SYNRG: variants seen among roughly 807,000 people sequenced by gnomAD.
SYNRG encodes the protein synergin gamma, also known as AP1 gamma subunit binding protein 1.
A neutral mutation model predicts 130.9 loss-of-function variants in SYNRG; 37 were observed. That is an observed-to-expected ratio of 0.28 (90% CI 0.22 to 0.37). The LOEUF is 0.37. Ranked by LOEUF, SYNRG falls within the 10% of genes least tolerant of loss-of-function variation. The pLI is 1.00. For synonymous variants in SYNRG, 539 were observed against 568.1 expected (o/e 0.95, Z 0.73); for missense variants, 1,338 against 1,588.9 (o/e 0.84, Z 2.68).
intron 21 of SYNRG, among the ~76,000 whole-genome samples, 196 bp downstream of exon 21, chr17:37,519,983 A>C (rs2054788664): frequency 6.6e-6 from 1 of 152,186 alleles, no homozygotes; most frequent in African/African-American, 2.4e-5. Context: ...ATGTGAAACA[A>C]GCATGCAAAT....
At chr17:37,600,689 G>A (rs1427881820) in intron 1 of SYNRG, 3 of 528,926 alleles carry the variant, frequency 5.7e-6, no homozygotes, top group East Asian at 3.5e-5. Context: ...TCTATAAAAT[G>A]AGAGAGTTTA....
At chr17:37,576,454 C>T in intron 7 of SYNRG, 36 bp from the exon 8 acceptor site, 1 of 1,575,634 alleles carries the variant, frequency 6.3e-7, no homozygotes, top group Non-Finnish European at 8.7e-7. Context: ...TATAGTGGTC[C>T]ATGGAGAAGA....
chr17:37,553,406 C>T lies in SYNRG; in HGVS notation c.2317G>A (p.Asp773Asn). The T allele has an allele frequency of 1.2e-6, 2 of 1,614,218 alleles. No homozygotes were observed. Among genetic ancestry groups the T allele is most frequent in the Non-Finnish European group, 1.7e-6 (2 of 1,180,032 alleles). ...GAGTGGAAGTCAGCAAAATCATCATCACTTTTTCCTGAAGGAGTGTTATCT... is the reference window on the plus strand; with the variant it reads ...GAGTGGAAGTCAGCAAAATCATCATTACTTTTTCCTGAAGGAGTGTTATCT... ...LKDNTPSGKS[D>N]DDFADFHSSK... is the part of the protein sequence containing the mutation. The change falls in exon 14 of 22, where the codon GAT (aspartate) becomes AAT (asparagine). Residue 773 changes from aspartate (D) to asparagine (N), a missense_variant. Transcript: ENST00000612223.
At chr17:37,580,875 G>A (rs1046606867) in intron 6 of SYNRG, among the ~76,000 whole-genome samples, 6 of 151,978 alleles carry the variant, frequency 3.9e-5, no homozygotes, top group African/African-American at 7.2e-5. Context: ...TCTCCATATC[G>A]GCCAGGCTGG....
intron 6 of SYNRG, among the ~76,000 whole-genome samples, chr17:37,579,978 A>G (rs1358235075): frequency 2.0e-5 from 3 of 152,214 alleles, no homozygotes; most frequent in South Asian, 2.1e-4. Context: ...TATTAGATTA[A>G]TAATTTTTCC....
chr17:37,565,569 G>A (rs1325464275), intron 11 of SYNRG, among the ~76,000 whole-genome samples: 22 of 151,298 alleles, frequency 1.5e-4, no homozygotes, highest in African/African-American at 4.4e-4. Context: ...GAGCGTCTCC[G>A]CCCGGCCGCC....
At chr17:37,555,932 A>G (rs1010773869) in intron 13 of SYNRG, among the ~76,000 whole-genome samples, 9 of 152,094 alleles carry the variant, frequency 5.9e-5, no homozygotes, top group Non-Finnish European at 8.8e-5. Context: ...AAACAAATAA[A>G]TATAGCTATA....
chr17:37,553,492 T>C lies in SYNRG; in HGVS notation c.2231A>G (p.Lys744Arg). 6.2e-7 allele frequency: 1 copy of C among 1,614,196 alleles called. No homozygotes were observed. The change falls in exon 14 of 22, where the codon AAG (lysine) becomes AGG (arginine). Residue 744 changes from lysine to arginine, a missense_variant. By Grantham distance (26) the Lys-to-Arg change is conservative. Transcript: ENST00000612223. Reference protein sequence around the residue: ...GGQNSTAASTKYDVFRQLSLE... With the variant: ...GGQNSTAASTRYDVFRQLSLE... ...AGAAAGTTGTCTGAAGACATCGTAC[T>C]TGGTAGACGCAGCAGTCGAGTTTTG...
intron 11 of SYNRG, among the ~76,000 whole-genome samples, chr17:37,565,218 C>A (rs1207712812): frequency 2.6e-5 from 4 of 151,790 alleles, no homozygotes; most frequent in African/African-American, 9.7e-5. Flanking sequence ...GAGCCGAGAT[C>A]GCGCAACTGC....
intron 3 of SYNRG, among the ~76,000 whole-genome samples, chr17:37,590,478 T>C (rs2062074649): frequency 6.6e-6 from 1 of 152,190 alleles, no homozygotes; most frequent in South Asian, 2.1e-4. Context: ...CAACATATAT[T>C]CACTCTATGA....
intron 13 of SYNRG, among the ~76,000 whole-genome samples, chr17:37,555,865 C>G (rs765282434): frequency 4.6e-5 from 7 of 151,982 alleles, no homozygotes; most frequent in African/African-American, 1.7e-4. Context: ...AAGATCCCAC[C>G]GCTGCACTCC....
intron 19 of SYNRG, among the ~76,000 whole-genome samples, chr17:37,532,397 T>C (rs2056722192): frequency 6.6e-6 from 1 of 152,130 alleles, no homozygotes; most frequent in South Asian, 2.1e-4. Context: ...AGGCCGGGCA[T>C]GGTGGCTCAT....
intron 14 of SYNRG, among the ~76,000 whole-genome samples, chr17:37,545,308 A>G (rs1481877855): frequency 6.6e-6 from 1 of 152,110 alleles, no homozygotes; most frequent in Non-Finnish European, 1.5e-5. Flanking sequence ...AGGCAGGAGA[A>G]TCGCTTGAAT....
chr17:37,561,401 TA>T (rs2059523642), intron 12 of SYNRG, 69 bp downstream of exon 12: 17 of 1,471,066 alleles, frequency 1.2e-5, no homozygotes, highest in Non-Finnish European at 1.6e-5. Context: ...GACCACCACT[TA>T]AAGATTCATA....
At position 37,539,196 on chromosome 17, in the gene SYNRG, A is replaced by G; in HGVS notation, c.3416T>C (p.Leu1139Pro). ...YEWQRCLGSALNVIKKANDTL... is the reference protein window; with the variant it reads ...YEWQRCLGSAPNVIKKANDTL... ...ACGCGTAAGTGACATACTCACATTC[A>G]GGGCACTCCCCAGGCATCTCTGCCA... The change falls in exon 17 of 22, where the codon CTG becomes CCG. Residue 1139 changes from leucine to proline, a missense_variant. Around this residue, in one of 3 missense-constraint regions of SYNRG, gnomAD observed 1,146 missense variants for 1,342.3 expected, o/e 0.85. Coordinates refer to ENST00000612223, the MANE Select transcript of SYNRG (RefSeq NM_007247.6). 1.2e-6 allele frequency: 2 copies of G among 1,614,106 alleles called. No individual in the cohort carries two copies. The highest frequency in any genetic ancestry group is 1.7e-6 in the Non-Finnish European group (2 of 1,180,020).
At chr17:37,563,860 T>C (rs116702819) in intron 11 of SYNRG, among the ~76,000 whole-genome samples, 1,641 of 151,812 alleles carry the variant, frequency 0.011, 26 homozygotes, top group African/African-American at 0.038. Flanking sequence ...TTTTTTTTTT[T>C]CTAAGACAAA....
At chr17:37,607,884 A>T (rs1389735277) in intron 1 of SYNRG, among the ~76,000 whole-genome samples, 2 of 139,424 alleles carry the variant, frequency 1.4e-5, no homozygotes, top group Non-Finnish European at 3.1e-5. Context: ...TGGACCCAGG[A>T]GGCAGAGGTT....
intron 9 of SYNRG, among the ~76,000 whole-genome samples, chr17:37,571,524 G>GTGAGC (rs2060433380): frequency 6.6e-6 from 1 of 152,228 alleles, no homozygotes; most frequent in Admixed American, 6.5e-5. Context: ...GGAAGCTGCA[G>GTGAGC]TGAGCTGAGA....
intron 14 of SYNRG, among the ~76,000 whole-genome samples, chr17:37,548,848 C>T (rs368964226): frequency 7.3e-6 from 1 of 137,892 alleles, no homozygotes; most frequent in African/African-American, 2.7e-5. Context: ...AAAAAACACA[C>T]AAAAAAACGG....
Sources: allele counts gnomAD v4.1 joint callset (sites outside exome capture counted in the v4.1 genomes callset), GRCh38; gene constraint gnomAD v4.1.1; regional missense constraint gnomAD v4.1.1; transcripts MANE v1.5; gene names NCBI Gene and HGNC (gene_info 2026-07-23, HGNC 2026-07-21).